The following VAT1L variants were observed in gnomAD, a reference collection of about 807,000 sequenced individuals.
VAT1L encodes vesicle amine transport 1 like.
Under a neutral mutation model 44.1 loss-of-function variants are expected in VAT1L, and 34 were observed. The observed-to-expected ratio is 0.77, with a 90% CI of 0.59 to 1.03. VAT1L has a LOEUF of 1.03. Among genes scored for constraint, VAT1L ranks in the 50% least tolerant of loss-of-function variants. The pLI is 0.00. For missense variants in VAT1L, 615 were observed against 538.8 expected (o/e 1.14, Z -1.40); for synonymous variants, 253 against 202.2 (o/e 1.25, Z -2.13).
At chr16:77,921,177 T>C (rs2017607832) in intron 7 of VAT1L, among the ~76,000 whole-genome samples, 1 of 152,200 alleles carries the variant, frequency 6.6e-6, no homozygotes, top group Admixed American at 6.5e-5. Flanking sequence ...AGGAATAGCA[T>C]CATGGGGCTG....
At chr16:77,917,833 T>A (rs1378567356) in intron 7 of VAT1L, among the ~76,000 whole-genome samples, 1 of 152,150 alleles carries the variant, frequency 6.6e-6, no homozygotes, top group Non-Finnish European at 1.5e-5. Context: ...ATACATGATT[T>A]ACAAGGATTC....
intron 7 of VAT1L, among the ~76,000 whole-genome samples, chr16:77,933,706 G>C (rs1257016084): frequency 6.6e-6 from 1 of 152,134 alleles, no homozygotes; most frequent in Non-Finnish European, 1.5e-5. Context: ...TGGAAGGAGG[G>C]GGATTAACAA....
intron 7 of VAT1L, among the ~76,000 whole-genome samples, chr16:77,919,848 G>A (rs1231551808): frequency 6.6e-6 from 1 of 152,170 alleles, no homozygotes; most frequent in Non-Finnish European, 1.5e-5. Context: ...AGCACTTTGG[G>A]AGGCCAAGGG....
chr16:77,977,488 A>ACC (rs765275184), intron 8 of VAT1L, 109 bp from the exon 9 acceptor site: 60 of 1,085,542 alleles, frequency 5.5e-5, no homozygotes, highest in Non-Finnish European at 4.0e-6. Context: ...GAAACAAGCA[A>ACC]CCCTAGTTCC....
intron 3 of VAT1L, among the ~76,000 whole-genome samples, chr16:77,848,816 T>A (rs2434854): frequency 6.6e-6 from 1 of 151,780 alleles, no homozygotes; most frequent in South Asian, 2.1e-4. Flanking sequence ...ATAGACTGGA[T>A]AAATAAAATG....
chr16:77,958,605 A>G lies in VAT1L; in HGVS notation c.1078-13245A>G, dbSNP rs554711792. On this transcript the variant is annotated intron_variant, in intron 7 of 8. Transcript: ENST00000302536. ...TTTTTTTTTCCCTCTGCTTTAGTTCAAAACACAATAAGACAAGAATATATA... is the reference window on the plus strand; with the variant it reads ...TTTTTTTTTCCCTCTGCTTTAGTTCGAAACACAATAAGACAAGAATATATA... Among the ~76,000 whole-genome samples the G allele has an allele frequency of 2.0e-5, 3 of 152,326 alleles. No homozygotes were observed. In the East Asian group the frequency reaches 5.8e-4, roughly 29 times the overall value.
chr16:77,904,395 T>C (rs1288842019), intron 7 of VAT1L, among the ~76,000 whole-genome samples: 1 of 152,172 alleles, frequency 6.6e-6, no homozygotes. Context: ...AGAGATTTGC[T>C]TCTTAGTTTT....
chr16:77,941,803 G>C (rs968679456), intron 7 of VAT1L, among the ~76,000 whole-genome samples: 1 of 152,014 alleles, frequency 6.6e-6, no homozygotes, highest in African/African-American at 2.4e-5. Context: ...TGGCCAGGCT[G>C]GTCTCAAACT....
chr16:77,898,412 A>G (rs918446704), intron 7 of VAT1L, among the ~76,000 whole-genome samples: 1 of 152,210 alleles, frequency 6.6e-6, no homozygotes, highest in African/African-American at 2.4e-5. Context: ...ATAAAGGGCT[A>G]AAGAGATAAA....
intron 7 of VAT1L, among the ~76,000 whole-genome samples, chr16:77,942,654 G>A (rs889948021): frequency 6.6e-6 from 1 of 152,132 alleles, no homozygotes; most frequent in Non-Finnish European, 1.5e-5. Context: ...TCGAGTTGAG[G>A]GAGGCCACAG....
chr16:77,853,870 G>A (rs1209330604), intron 3 of VAT1L, among the ~76,000 whole-genome samples: 7 of 152,122 alleles, frequency 4.6e-5, no homozygotes, highest in Non-Finnish European at 1.0e-4. Context: ...GCCGGGCGCC[G>A]TGACTCATAC....
chr16:77,879,228 A>G lies in VAT1L; in HGVS notation c.882+4A>G. 6.2e-7 allele frequency: 1 copy of G among 1,614,002 alleles called. No homozygotes were observed. The highest frequency in any genetic ancestry group is 2.2e-5 in the East Asian group (1 of 44,882). ...CTTCTTCAGCTTTGCAAAATCAGTA[A>G]GTATCCAGGCACATCTGATGTACTG... On this transcript the variant is annotated splice_donor_region_variant and intron_variant, in intron 6 of 8. Coordinates refer to ENST00000302536, the MANE Select transcript of VAT1L (RefSeq NM_020927.3). This position sits in a 1 kb window ranked among gnomAD's most constrained non-coding sequence, Gnocchi z 4.1.
At chr16:77,894,627 A>G (rs1185182155) in intron 7 of VAT1L, among the ~76,000 whole-genome samples, 1 of 152,190 alleles carries the variant, frequency 6.6e-6, no homozygotes, top group Non-Finnish European at 1.5e-5. Context: ...ATGTTCTAAA[A>G]TTAATGGTAG....
intron 7 of VAT1L, among the ~76,000 whole-genome samples, chr16:77,919,189 T>C (rs1210014971): frequency 6.6e-6 from 1 of 151,854 alleles, no homozygotes; most frequent in Non-Finnish European, 1.5e-5. Context: ...CATGTGTGTG[T>C]GTGTTTCAGC....
chr16:77,815,021 C>T (rs1427236836), intron 1 of VAT1L, among the ~76,000 whole-genome samples: 1 of 152,194 alleles, frequency 6.6e-6, no homozygotes, highest in Non-Finnish European at 1.5e-5. Flanking sequence ...ATAACTCCCA[C>T]TTTACAGATG....
At chr16:77,852,510 A>G (rs940058917) in intron 3 of VAT1L, among the ~76,000 whole-genome samples, 1 of 152,188 alleles carries the variant, frequency 6.6e-6, no homozygotes, top group African/African-American at 2.4e-5. Context: ...GGCCCCTTGC[A>G]TTTAAACCTC....
In VAT1L at chr16:77,814,188, C is replaced by T. The variant is rs534209171; in HGVS notation, c.234-2733C>T. 7.2e-5 allele frequency among the ~76,000 whole-genome samples: 11 copies of T among 152,240 alleles called. No individual in the cohort carries two copies. In the South Asian group the frequency reaches 1.0e-3, roughly 14 times the overall value. On this transcript the variant is annotated intron_variant, in intron 1 of 8. Coordinates refer to ENST00000302536, the MANE Select transcript of VAT1L (RefSeq NM_020927.3). ...AGCACAGTTCTTGACACAAACTAAA[C>T]GCTCAGCAAAAGCTAGCTATATCCA...
intron 3 of VAT1L, among the ~76,000 whole-genome samples, chr16:77,860,625 G>C (rs767253135): frequency 6.6e-6 from 1 of 152,218 alleles, no homozygotes; most frequent in Non-Finnish European, 1.5e-5. Flanking sequence ...TCCATAAGGA[G>C]CTATAACTAT....
In VAT1L at chr16:77,884,573, G is replaced by C. The variant is rs750276167; in HGVS notation, c.883-35G>C. ...CCAATGTAGGCTTAACCCCGGTATT[G>C]AGTTCCTATAACCCAATACCACCTC... is the stretch of plus-strand genomic sequence containing the variant. On this transcript the variant is annotated intron_variant, in intron 6 of 8. Coordinates refer to ENST00000302536, the MANE Select transcript of VAT1L (RefSeq NM_020927.3). The surrounding 1 kb of genome is among the most constrained non-coding windows in gnomAD (Gnocchi z 4.5). 9 of 1,597,328 alleles carry C rather than the reference G, an allele frequency of 5.6e-6. No homozygotes were observed. Among genetic ancestry groups the C allele is most frequent in the Non-Finnish European group, 6.8e-6 (8 of 1,171,826 alleles).
Sources: allele counts gnomAD v4.1 joint callset (sites outside exome capture counted in the v4.1 genomes callset), GRCh38; gene constraint gnomAD v4.1.1; non-coding constraint Gnocchi (gnomAD v3.1); transcripts MANE v1.5; gene names NCBI Gene and HGNC (gene_info 2026-07-23, HGNC 2026-07-21).